Variants in PARD3B observed in about 807,000 individuals in gnomAD.
The protein encoded by PARD3B is partitioning defective 3 homolog B.
PARD3B carries 103 observed loss-of-function variants against 130.2 expected under a neutral mutation model. The ratio of observed to expected loss-of-function variants is 0.79; its 90% CI spans 0.67 to 0.93. The LOEUF (loss-of-function observed/expected upper bound fraction) is 0.93, where lower values mean the gene tolerates loss of function less well. PARD3B is among the 40% of genes least tolerant of loss of function. The probability of loss-of-function intolerance (pLI) is 0.00; values close to 1 mark genes in which losing one functional copy is unlikely to be tolerated. For missense variants in PARD3B, 1,609 were observed against 1,499.2 expected, an observed-to-expected ratio of 1.07 and a Z score of -1.21; for synonymous variants, 583 against 553.2, an observed-to-expected ratio of 1.05 and a Z score of -0.76.
intron 2 of PARD3B, among the ~76,000 whole-genome samples, chr2:204,826,253 A>G (rs1026006268): frequency 1.3e-5 from 2 of 152,206 alleles, no homozygotes; most frequent in Non-Finnish European, 2.9e-5. Flanking sequence ...TTGTACCTCC[A>G]TAGCTAGTGC....
chr2:205,444,523 C>T (rs776863858), intron 20 of PARD3B, among the ~76,000 whole-genome samples: 4 of 152,138 alleles, frequency 2.6e-5, no homozygotes, highest in African/African-American at 4.8e-5. Flanking sequence ...CAGAATGATG[C>T]GTGGTAGCAA....
chr2:205,357,097 C>T (rs1320780830), intron 18 of PARD3B, among the ~76,000 whole-genome samples: 3 of 152,094 alleles, frequency 2.0e-5, no homozygotes, highest in Non-Finnish European at 4.4e-5. Context: ...GAATTTGGAC[C>T]AGCATATGTT....
rs2033029256 is a variant in PARD3B at position 205,142,350 on chromosome 2, G to A, written c.1435-16372G>A. Reference sequence around the variant, plus strand: ...ATAAAAAGTTTAGGTGAGAGGTGTTGAAAACTATGATTTTGGTAGATAAGA... The same window carrying A: ...ATAAAAAGTTTAGGTGAGAGGTGTTAAAAACTATGATTTTGGTAGATAAGA... On this transcript the variant is annotated intron_variant, in intron 10 of 22. Transcript: ENST00000406610. The surrounding 1 kb of genome is among the most constrained non-coding windows in gnomAD (Gnocchi z 4.3). 6.6e-6 allele frequency among the ~76,000 whole-genome samples: 1 copy of A among 152,148 alleles called. No individual in the cohort carries two copies. The highest frequency in any genetic ancestry group is 1.5e-5 in the Non-Finnish European group (1 of 68,016).
intron 2 of PARD3B, among the ~76,000 whole-genome samples, chr2:204,843,590 A>G (rs1263795164): frequency 6.6e-6 from 1 of 151,982 alleles, no homozygotes; most frequent in East Asian, 1.9e-4. Flanking sequence ...AGGTTTCGCC[A>G]TGTTAGCCAG....
intron 19 of PARD3B, among the ~76,000 whole-genome samples, chr2:205,406,363 G>C (rs1267998984): frequency 6.6e-6 from 1 of 152,082 alleles, no homozygotes; most frequent in Non-Finnish European, 1.5e-5. Flanking sequence ...CAGCTTAATG[G>C]AAGGGAAAAG....
intron 10 of PARD3B, among the ~76,000 whole-genome samples, chr2:205,150,461 G>C (rs1012350546): frequency 3.6e-4 from 54 of 151,906 alleles, no homozygotes; most frequent in African/African-American, 1.1e-3. Context: ...GAGAGTTACT[G>C]GTTGAACCAG....
chr2:205,307,048 G>A (rs2042212209), intron 18 of PARD3B, among the ~76,000 whole-genome samples: 1 of 152,180 alleles, frequency 6.6e-6, no homozygotes, highest in Admixed American at 6.5e-5. Flanking sequence ...CATGTAGAAT[G>A]GCACCTGGCC....
chr2:205,463,792 T>A lies in PARD3B; in HGVS notation c.3044+23120T>A, dbSNP rs2048532281. On this transcript the variant is annotated intron_variant, in intron 20 of 22. Transcript: ENST00000406610. This position sits in a 1 kb window ranked among gnomAD's most constrained non-coding sequence, Gnocchi z 4.8. ...GGGAGAGCATTTTAACAAAGCAGCC[T>A]CCTCGAGGAAGGAAAGCCAGCCACC... Among the ~76,000 whole-genome samples, 2 of 152,144 alleles carry A rather than the reference T, an allele frequency of 1.3e-5. No homozygotes were observed. Among genetic ancestry groups the A allele is most frequent in the Admixed American group, 6.5e-5 (1 of 15,276 alleles).
intron 10 of PARD3B, among the ~76,000 whole-genome samples, chr2:205,136,378 CATTACATTAA>C (rs2032485762): frequency 6.6e-6 from 1 of 152,124 alleles, no homozygotes; most frequent in Non-Finnish European, 1.5e-5. Context: ...CATAATAGTA[CATTACATTAA>C]ATTACATTAA....
chr2:205,412,289 G>T (rs2046626654), intron 19 of PARD3B, among the ~76,000 whole-genome samples: 1 of 152,104 alleles, frequency 6.6e-6, no homozygotes, highest in Admixed American at 6.6e-5. Context: ...AGTTAGAGAG[G>T]CTGAAGTGGT....
intron 1 of PARD3B, among the ~76,000 whole-genome samples, chr2:204,575,088 A>G (rs2032193171): frequency 1.3e-5 from 2 of 152,170 alleles, no homozygotes; most frequent in African/African-American, 4.8e-5. Context: ...AAGAAGACTC[A>G]GCAATTTAGT....
chr2:205,434,604 G>A (rs765543841), intron 19 of PARD3B, among the ~76,000 whole-genome samples: 4 of 152,128 alleles, frequency 2.6e-5, no homozygotes, highest in Non-Finnish European at 4.4e-5. Context: ...TCATTGTGGA[G>A]CTGTTTATGA....
intron 19 of PARD3B, among the ~76,000 whole-genome samples, chr2:205,416,706 A>G (rs894803541): frequency 6.6e-6 from 1 of 152,124 alleles, no homozygotes; most frequent in African/African-American, 2.4e-5. Context: ...TGGAAGATTG[A>G]TGCATTAAAA....
At chr2:204,633,786 T>C (rs3922266) in intron 1 of PARD3B, among the ~76,000 whole-genome samples, 100,803 of 152,052 alleles carry the variant, frequency 0.66, 35,503 homozygotes, top group Non-Finnish European at 0.78. Context: ...CCCTCCAGCC[T>C]GGGCAACAGA....
chr2:204,732,731 A>G (rs1044615869), intron 2 of PARD3B, among the ~76,000 whole-genome samples: 7 of 152,166 alleles, frequency 4.6e-5, no homozygotes, highest in Non-Finnish European at 5.9e-5. Context: ...TTCTAGAGAC[A>G]TGTGTACCTT....
At chr2:205,124,223 A>G (rs929480962) in intron 8 of PARD3B, 104 bp from the exon 9 acceptor site, 3 of 931,170 alleles carry the variant, frequency 3.2e-6, no homozygotes, top group Non-Finnish European at 4.5e-6. Flanking sequence ...TAAATATTTT[A>G]CTGATTCTAT....
chr2:204,876,618 C>T (rs1433756596), intron 2 of PARD3B, among the ~76,000 whole-genome samples: 1 of 152,108 alleles, frequency 6.6e-6, no homozygotes, highest in Admixed American at 6.6e-5. Flanking sequence ...TCTGCCTCTA[C>T]TCAGGGAGTT....
intron 1 of PARD3B, 94 bp from the exon 2 acceptor site, chr2:204,686,087 T>C (rs1235866850): frequency 2.3e-6 from 2 of 856,994 alleles, no homozygotes; most frequent in East Asian, 2.6e-5. Flanking sequence ...CTAGAACATA[T>C]TTTTAACAAG....
intron 1 of PARD3B, among the ~76,000 whole-genome samples, chr2:204,674,199 A>G (rs1243302945): frequency 6.6e-6 from 1 of 152,170 alleles, no homozygotes; most frequent in Admixed American, 6.5e-5. Context: ...AAAATTAACA[A>G]ATAATTGAAT....
Sources: allele counts gnomAD v4.1 joint callset (sites outside exome capture counted in the v4.1 genomes callset), GRCh38; gene constraint gnomAD v4.1.1; non-coding constraint Gnocchi (gnomAD v3.1); transcripts MANE v1.5; gene names NCBI Gene and HGNC (gene_info 2026-07-23, HGNC 2026-07-21).